Variants in FMR1 observed in about 807,000 individuals in gnomAD.
The protein encoded by FMR1 is fragile X messenger ribonucleoprotein 1.
A neutral mutation model predicts 50.6 loss-of-function variants in FMR1; 13 were observed. That is an observed-to-expected ratio of 0.26 (90% confidence interval 0.17 to 0.41). The LOEUF is 0.41. Ranked by LOEUF, FMR1 falls within the 10% of genes least tolerant of loss-of-function variation. FMR1 has a pLI of 1.00. For synonymous variants in FMR1, 138 were observed against 164.1 expected, an observed-to-expected ratio of 0.84 and a Z score of 1.22; for missense variants, 316 against 491.3, an observed-to-expected ratio of 0.64 and a Z score of 3.37.
At chrX:147,947,275 G>T (rs1332815341) in intron 16 of FMR1, 1 of 108,830 alleles carries the variant, frequency 9.2e-6, no homozygotes, top group Non-Finnish European at 1.9e-5. Flanking sequence ...AGCCAGACGT[G>T]TTGGCGGGCA....
intron 16 of FMR1, 21 bp from the exon 17 acceptor site, chrX:147,948,662 A>G (rs2044255562): frequency 3.3e-6 from 4 of 1,210,275 alleles, no homozygotes; most frequent in Non-Finnish European, 4.5e-6. Flanking sequence ...CTGTGTATAT[A>G]ACAACTATAA....
intron 12 of FMR1, among the ~76,000 whole-genome samples, chrX:147,938,508 A>T (rs1215970448): frequency 9.0e-6 from 1 of 111,710 alleles, no homozygotes; most frequent in Non-Finnish European, 1.9e-5. Flanking sequence ...TTTCTCCTCC[A>T]CATGTCACCT....
At chrX:147,924,528 T>TA (rs2043317466) in intron 2 of FMR1, among the ~76,000 whole-genome samples, 1 of 103,743 alleles carries the variant, frequency 9.6e-6, no homozygotes, top group East Asian at 3.0e-4. Context: ...TTTTTTTTTT[T>TA]AAAGACAGGA....
At chrX:147,931,358 A>AAACAT (rs1323932793) in intron 7 of FMR1, among the ~76,000 whole-genome samples, 3 of 112,215 alleles carry the variant, frequency 2.7e-5, no homozygotes, top group African/African-American at 9.7e-5. Context: ...AGGACTCAAA[A>AAACAT]AACATGACTT....
intron 12 of FMR1, among the ~76,000 whole-genome samples, chrX:147,939,978 A>G (rs2043929827): frequency 9.6e-6 from 1 of 104,056 alleles, no homozygotes; most frequent in African/African-American, 3.5e-5. Flanking sequence ...CAGCTAAAAC[A>G]GTGAAACCCT....
Position 147,950,991 on chromosome X carries a change from G to C in FMR1, c.*2147G>C. 3.9e-6 allele frequency: 1 copy of C among 259,463 alleles called. No individual in the cohort carries two copies. Among genetic ancestry groups the C allele is most frequent in the Non-Finnish European group, 7.2e-6 (1 of 138,281 alleles). The allele number at this position is 259,463 out of a possible 1,213,427, so 21.4% of individuals were successfully genotyped here. On this transcript the variant is annotated 3_prime_UTR_variant, in exon 17 of 17. Transcript: ENST00000370475. ...GGAGTTCATTCATATTACAATATTT[G>C]TGTGCTAAACGTGTATGTTTTTCAG...
chrX:147,936,442 G>A (rs1023827356), intron 9 of FMR1, 62 bp from the exon 10 acceptor site: 7 of 658,194 alleles, frequency 1.1e-5, no homozygotes, highest in African/African-American at 6.5e-5. Flanking sequence ...TTACAGTAGG[G>A]CTGTGCTTAC....
chrX:147,941,593 A>G (rs1372603894), intron 13 of FMR1, among the ~76,000 whole-genome samples: 6 of 112,129 alleles, frequency 5.4e-5, no homozygotes, highest in Non-Finnish European at 9.4e-5. Flanking sequence ...TGGGCATGCC[A>G]TTCATTCTTA....
intron 9 of FMR1, among the ~76,000 whole-genome samples, chrX:147,934,205 G>GT (rs548035697): frequency 0.14 from 13,775 of 99,870 alleles, 1,016 homozygotes; most frequent in African/African-American, 0.28. Flanking sequence ...TAGTTGTTTT[G>GT]TTTTTTTTTT....
In FMR1 at chrX:147,918,555, C is replaced by CTTTTTTTTTTTTT. The variant is rs368581020; in HGVS notation, c.52-3365_52-3353dup. On this transcript the variant is annotated intron_variant, in intron 1 of 16. Transcript: ENST00000370475. ...GAAATGCATTCAGAGCCTGCAAAAG[C>CTTTTTTTTTTTTT]TTTTTTTTTTTTTTTTTTTTTTTTT... Among the ~76,000 whole-genome samples, 416 of 47,272 alleles carry CTTTTTTTTTTTTT rather than the reference C, an allele frequency of 8.8e-3. 67 individuals are homozygous for CTTTTTTTTTTTTT. The highest frequency in any genetic ancestry group is 0.034 in the Middle Eastern group (1 of 29). The allele number at this position is 47,272 out of a possible 115,157, so 41.1% of individuals were successfully genotyped here. A position where few individuals can be genotyped will look rare whatever the true frequency, so the allele number is the denominator to read the frequency against.
Position 147,930,047 on chromosome X carries a change from C to G in FMR1, c.513+6C>G. ...ATTATCAGCTTGTCATTTTGGTGAG[C>G]ATTTTTGAGTTGTTTATTTTTAGTT... On this transcript the variant is annotated splice_donor_region_variant and intron_variant, in intron 6 of 16. Transcript: ENST00000370475. 1 of 1,178,857 alleles carries G rather than the reference C, an allele frequency of 8.5e-7. No homozygotes were observed.
chrX:147,912,047 AGCGCGGCGGCGGCGGCGGCG>A lies in FMR1; in HGVS notation c.-129_-110del, dbSNP rs1408858118. On this transcript the variant is annotated 5_prime_UTR_variant, in exon 1 of 17. Transcript: ENST00000370475. ...GCGCCGCTGCCAGGGGGCGTGCGGC[AGCGCGGCGGCGGCGGCGGCG>A]GCGGCGGCGGCGGAGGCGGCGGCGG... 8.5e-5 allele frequency: 1 copy of A among 11,743 alleles called. No homozygotes were observed. The highest frequency in any genetic ancestry group is 1.1e-4 in the Non-Finnish European group (1 of 8,744). 1.0% of individuals were successfully genotyped at this position (11,743 alleles called of 1,213,427 possible).
chrX:147,944,366 C>A (rs1557181484), intron 14 of FMR1: 1 of 752,211 alleles, frequency 1.3e-6, no homozygotes, highest in Non-Finnish European at 1.6e-6. Context: ...AATCCATGAC[C>A]CACAAGAGAC....
intron 13 of FMR1, among the ~76,000 whole-genome samples, 193 bp downstream of exon 13, chrX:147,940,855 C>A (rs1337540751): frequency 9.0e-6 from 1 of 111,512 alleles, no homozygotes; most frequent in African/African-American, 3.3e-5. Context: ...ATTTAAGTAC[C>A]AATATACCAG....
rs1264098293 is a variant in FMR1 at position 147,949,283 on chromosome X, G to A, written c.*439G>A. ...GAAATGCTATGTCATTTCATGTCCT[G>A]TGTCAGTTTATGTTTTGGTCCACTT... is the stretch of plus-strand genomic sequence containing the variant. On this transcript the variant is annotated 3_prime_UTR_variant, in exon 17 of 17. Transcript: ENST00000370475. 3.1e-6 allele frequency: 1 copy of A among 327,521 alleles called. No homozygotes were observed. The highest frequency in any genetic ancestry group is 5.9e-6 in the Non-Finnish European group (1 of 170,213). 27.0% of individuals were successfully genotyped at this position (327,521 alleles called of 1,213,427 possible).
intron 12 of FMR1, among the ~76,000 whole-genome samples, chrX:147,938,997 C>T (rs936134767): frequency 6.3e-5 from 7 of 111,822 alleles, no homozygotes; most frequent in Admixed American, 9.5e-5. Flanking sequence ...AAAAGATATT[C>T]GTAAATAATT....
At chrX:147,928,144 T>C in intron 3 of FMR1, 178 bp from the exon 4 acceptor site, 1 of 422,369 alleles carries the variant, frequency 2.4e-6, no homozygotes, top group Non-Finnish European at 4.2e-6. Context: ...TTTCTGATTA[T>C]GTATCTCTGC....
intron 1 of FMR1, chrX:147,914,006 C>T (rs2042726764): frequency 8.9e-6 from 1 of 112,150 alleles, no homozygotes; most frequent in Non-Finnish European, 1.9e-5. Flanking sequence ...CACATTATGG[C>T]CTTGAAGTAC....
rs1557183675 is a variant in FMR1 at position 147,950,969 on chromosome X, GTTCA to G, written c.*2131_*2134del. 2 of 266,523 alleles carry G rather than the reference GTTCA, an allele frequency of 7.5e-6. No homozygotes were observed. The highest frequency in any genetic ancestry group is 1.1e-4 in the East Asian group (1 of 9,297). 22.0% of individuals were successfully genotyped at this position (266,523 alleles called of 1,213,427 possible). On this transcript the variant is annotated 3_prime_UTR_variant, in exon 17 of 17. Coordinates refer to ENST00000370475, the MANE Select transcript of FMR1 (RefSeq NM_002024.6). ...TCACATGTTTTCAAATGGAGTTGGAGTTCATTCATATTACAATATTTGTGTGCTA... is the reference window on the plus strand; with the variant it reads ...TCACATGTTTTCAAATGGAGTTGGAGTTCATATTACAATATTTGTGTGCTA...
Sources: gnomAD v4.1 joint callset for allele counts (sites outside exome capture counted in the v4.1 genomes callset) on GRCh38, gnomAD v4.1.1 for gene constraint, MANE v1.5 for transcripts, NCBI Gene and HGNC (gene_info 2026-07-23, HGNC 2026-07-21) for gene names.